Variants in DPH6 observed in about 807,000 individuals in gnomAD.
DPH6 encodes diphthine--ammonia ligase.
DPH6 carries 33 observed loss-of-function variants against 38.2 expected under a neutral mutation model. The observed-to-expected ratio is 0.86, with a 90% CI of 0.65 to 1.15. DPH6 has a LOEUF of 1.15. DPH6 is among the 50% of genes most tolerant of loss of function. The pLI is 0.00. For synonymous variants in DPH6, 108 were observed against 103.0 expected, an observed-to-expected ratio of 1.05 and a Z score of -0.30; for missense variants, 325 against 320.0, an observed-to-expected ratio of 1.02 and a Z score of -0.12.
chr15:35,355,781 G>C (rs2052554521), intron 3 of DPH6, among the ~76,000 whole-genome samples: 1 of 152,096 alleles, frequency 6.6e-6, no homozygotes. Flanking sequence ...CTCTTCTCAA[G>C]GAGTGTCTTT....
At chr15:35,291,343 A>G (rs1318242532) in intron 3 of DPH6, among the ~76,000 whole-genome samples, 1 of 152,120 alleles carries the variant, frequency 6.6e-6, no homozygotes, top group African/African-American at 2.4e-5. Context: ...AGAATGGGAT[A>G]GGTTAAATTA....
At chr15:35,328,894 A>G (rs1359224841), downstream of DPH6, among the ~76,000 whole-genome samples, 1 of 152,116 alleles carries the variant, frequency 6.6e-6, no homozygotes, top group Non-Finnish European at 1.5e-5. Flanking sequence ...AGGAGGAGCA[A>G]CTCCCATCTT....
the DPH6 span, among the ~76,000 whole-genome samples, chr15:35,167,667 T>C: frequency 6.6e-5 from 10 of 151,862 alleles, no homozygotes; most frequent in South Asian, 1.2e-3. Flanking sequence ...GATAGTTTAA[T>C]AGAATGAACC....
intron 3 of DPH6, among the ~76,000 whole-genome samples, chr15:35,356,579 T>C (rs1341529511): frequency 6.6e-6 from 1 of 152,204 alleles, no homozygotes; most frequent in Non-Finnish European, 1.5e-5. Flanking sequence ...GTATCAGCAG[T>C]GGAGCCTGCA....
intron 3 of DPH6, among the ~76,000 whole-genome samples, chr15:35,500,767 TTTG>T (rs768374774): frequency 6.6e-6 from 1 of 151,998 alleles, no homozygotes; most frequent in Non-Finnish European, 1.5e-5. Flanking sequence ...ATTATTCTGT[TTTG>T]TTGTTGTTGT....
the DPH6 span, among the ~76,000 whole-genome samples, chr15:35,175,075 A>G: frequency 1.3e-5 from 2 of 152,170 alleles, no homozygotes; most frequent in African/African-American, 2.4e-5. Context: ...AGTCCACTTG[A>G]TATTAGTGAC....
chr15:35,487,740 C>T (rs1238230293), intron 3 of DPH6, among the ~76,000 whole-genome samples: 1 of 152,212 alleles, frequency 6.6e-6, no homozygotes, highest in East Asian at 1.9e-4. Flanking sequence ...CTTACTCATG[C>T]AAATTTCTGC....
chr15:35,326,590 C>A (rs2052284332), downstream of DPH6, among the ~76,000 whole-genome samples: 1 of 151,942 alleles, frequency 6.6e-6, no homozygotes, highest in Non-Finnish European at 1.5e-5. Flanking sequence ...CACCACCGTG[C>A]CCAGCTAATT....
chr15:35,279,067 AAAT>A (rs1359174349), intron 3 of DPH6, among the ~76,000 whole-genome samples: 4 of 127,238 alleles, frequency 3.1e-5, no homozygotes, highest in African/African-American at 1.3e-4. Flanking sequence ...AAAAAAAAAA[AAAT>A]ATATATATAT....
chr15:35,360,909 G>T (rs2052608822), intron 3 of DPH6, among the ~76,000 whole-genome samples: 1 of 152,054 alleles, frequency 6.6e-6, no homozygotes, highest in Non-Finnish European at 1.5e-5. Flanking sequence ...GAATGAACAG[G>T]CATATCTCCT....
chr15:35,415,914 A>G (rs1484946286), intron 5 of DPH6, among the ~76,000 whole-genome samples: 2 of 152,028 alleles, frequency 1.3e-5, no homozygotes, highest in Non-Finnish European at 2.9e-5. Context: ...TTAAGAGCCA[A>G]ATTTCTTTTC....
At chr15:35,448,391 G>A (rs909220842) in intron 5 of DPH6, among the ~76,000 whole-genome samples, 9 of 152,092 alleles carry the variant, frequency 5.9e-5, no homozygotes, top group Admixed American at 5.9e-4. Flanking sequence ...GATTCACTGT[G>A]GAAGAAAGAG....
the DPH6 span, among the ~76,000 whole-genome samples, chr15:35,156,601 C>T: frequency 0.71 from 108,563 of 151,910 alleles, 39,923 homozygotes; most frequent in Middle Eastern, 0.83. Context: ...GTGGACCTAA[C>T]GACTAGAGAA....
At chr15:35,320,870 CA>C (rs1411556780) in intron 3 of DPH6, among the ~76,000 whole-genome samples, 1 of 152,150 alleles carries the variant, frequency 6.6e-6, no homozygotes, top group East Asian at 1.9e-4. Flanking sequence ...TAAAAGCTCT[CA>C]AAATATTCAG....
At chr15:35,181,254 G>A in the DPH6 span, among the ~76,000 whole-genome samples, 1 of 151,894 alleles carries the variant, frequency 6.6e-6, no homozygotes, top group Admixed American at 6.6e-5. Flanking sequence ...CATTACTCAT[G>A]CCTGTGTTTA....
At chr15:35,520,845 T>C (rs2054913733) in intron 3 of DPH6, 1 of 984,892 alleles carries the variant, frequency 1.0e-6, no homozygotes, top group Admixed American at 6.2e-5. Context: ...GGTACCATAA[T>C]AAAACTAAGG....
chr15:35,469,873 C>G (rs1173516206), intron 3 of DPH6, among the ~76,000 whole-genome samples: 1 of 151,976 alleles, frequency 6.6e-6, no homozygotes, highest in Non-Finnish European at 1.5e-5. Flanking sequence ...CATACATTTA[C>G]AAAGTGGGCA....
At position 35,283,756 on chromosome 15, in the gene DPH6, G is replaced by GCACACACACACACA. The variant is rs757887783; in HGVS notation, n.201-63175_201-63174insTGTGTGTGTGTGTG. On this transcript the variant is annotated intron_variant and non_coding_transcript_variant, in intron 3 of 3. Coordinates refer to the DPH6 transcript ENST00000560386. The stretch of plus-strand genomic sequence containing the variant: ...TTACTTTTTTCATTGGGCACAGATA[G>GCACACACACACACA]TACACACACACACACACACACACAC... Among the ~76,000 whole-genome samples the GCACACACACACACA allele has an allele frequency of 5.7e-5, 7 of 123,606 alleles. No homozygotes were observed. In the East Asian group the frequency reaches 9.8e-4, roughly 17 times the overall value. 81.1% of individuals were successfully genotyped at this position (123,606 alleles called of 152,430 possible).
chr15:35,236,252 A>T (rs929484192), intron 3 of DPH6, among the ~76,000 whole-genome samples: 1 of 152,252 alleles, frequency 6.6e-6, no homozygotes, highest in Non-Finnish European at 1.5e-5. Context: ...GAAGTTTTTC[A>T]GATAGGAATA....
Sources: allele counts gnomAD v4.1 joint callset (sites outside exome capture counted in the v4.1 genomes callset), GRCh38; gene constraint gnomAD v4.1.1; transcripts MANE v1.5; gene names NCBI Gene and HGNC (gene_info 2026-07-23, HGNC 2026-07-21).